The following EIF2AK2 variants were observed in gnomAD, a reference collection of about 807,000 sequenced individuals.
EIF2AK2 encodes the protein interferon-induced, double-stranded RNA-activated protein kinase.
Under a neutral mutation model 70.5 loss-of-function variants are expected in EIF2AK2, and 40 were observed. The observed-to-expected ratio is 0.57, with a 90% CI of 0.44 to 0.74. The LOEUF is 0.74. Ranked by LOEUF, EIF2AK2 falls within the 30% of genes least tolerant of loss-of-function variation. EIF2AK2 has a pLI of 0.00. For synonymous variants in EIF2AK2, 198 were observed against 220.9 expected (o/e 0.90, Z 0.92); for missense variants, 555 against 644.3 (o/e 0.86, Z 1.50).
At position 37,136,495 on chromosome 2, in the gene EIF2AK2, A is replaced by G. The variant is rs549251508; in HGVS notation, c.722+488T>C. On this transcript the variant is annotated intron_variant, in intron 9 of 16. Coordinates refer to ENST00000233057, the MANE Select transcript of EIF2AK2 (RefSeq NM_001135651.3). ...CCACATCAAGAACCATGTTTCTTCA[A>G]TACATCTATCTACTGCTCAGAATAT... Among the ~76,000 whole-genome samples, 4 of 152,302 alleles carry G rather than the reference A, an allele frequency of 2.6e-5. No individual in the cohort carries two copies. In the South Asian group the frequency reaches 8.3e-4, roughly 32 times the overall value.
At chr2:37,147,335 CTTTAAG>C (rs996061724) in intron 3 of EIF2AK2, among the ~76,000 whole-genome samples, 2 of 151,182 alleles carry the variant, frequency 1.3e-5, no homozygotes, top group Non-Finnish European at 1.5e-5. Flanking sequence ...TATTATTATA[CTTTAAG>C]TTTTAGGGTA....
Position 37,148,707 on chromosome 2 carries a change from T to A in EIF2AK2, c.-17+150A>T. 4.9e-6 allele frequency: 4 copies of A among 824,308 alleles called. No homozygotes were observed. In the Admixed American group the frequency reaches 6.9e-5, roughly 14 times the overall value. The allele number at this position is 824,308 out of a possible 1,614,324, so 51.1% of individuals were successfully genotyped here. ...AACAATACAATTTGCTTTCATCACA[T>A]AAAAATTTATATTGACAGATTTGAG... On this transcript the variant is annotated intron_variant, in intron 2 of 16. Transcript: ENST00000233057.
intron 1 of EIF2AK2, among the ~76,000 whole-genome samples, chr2:37,155,991 T>G (rs1419100856): frequency 1.3e-5 from 2 of 150,890 alleles, no homozygotes; most frequent in Admixed American, 1.3e-4. Flanking sequence ...AGGTGATAAC[T>G]ACTATGTTGA....
intron 4 of EIF2AK2, among the ~76,000 whole-genome samples, chr2:37,142,250 C>A (rs1675360152): frequency 6.6e-6 from 1 of 152,152 alleles, no homozygotes; most frequent in Non-Finnish European, 1.5e-5. Flanking sequence ...CCTGTCTCAG[C>A]CTCACAAGCA....
intron 12 of EIF2AK2, 21 bp from the exon 13 acceptor site, chr2:37,120,160 AT>A: frequency 1.5e-6 from 2 of 1,341,040 alleles, no homozygotes; most frequent in Non-Finnish European, 9.7e-7. Context: ...AATTCACAGT[AT>A]GTTAAAAGTA....
rs1329910512 is a variant in EIF2AK2, at chr2:37,107,213, G to A, written c.*60C>T. 6.4e-7 allele frequency: 1 copy of A among 1,571,494 alleles called. No individual in the cohort carries two copies. Among genetic ancestry groups the A allele is most frequent in the Non-Finnish European group, 8.6e-7 (1 of 1,161,798 alleles). Reference sequence around the variant, plus strand: ...AAATATCTATTGATATTCCCTAGCAGATTTTAGATAATTTAAGGAAAACTG... The same window carrying A: ...AAATATCTATTGATATTCCCTAGCAAATTTTAGATAATTTAAGGAAAACTG... On this transcript the variant is annotated 3_prime_UTR_variant, in exon 17 of 17. Coordinates refer to ENST00000233057, the MANE Select transcript of EIF2AK2 (RefSeq NM_001135651.3).
chr2:37,126,202 C>A, intron 11 of EIF2AK2, 87 bp downstream of exon 11: 2 of 1,440,598 alleles, frequency 1.4e-6, no homozygotes, highest in Non-Finnish European at 1.8e-6. Context: ...AAATGATACC[C>A]TAATAAAGAA....
intron 8 of EIF2AK2, 100 bp from the exon 9 acceptor site, chr2:37,137,117 A>G: frequency 2.2e-6 from 2 of 927,240 alleles, no homozygotes; most frequent in Non-Finnish European, 3.2e-6. Context: ...CTCTCTGACC[A>G]ATTTCTTAGT....
chr2:37,148,861 T>TG lies in EIF2AK2; in HGVS notation c.-22_-21insC. On this transcript the variant is annotated 5_prime_UTR_variant, in exon 2 of 17. Coordinates refer to ENST00000233057, the MANE Select transcript of EIF2AK2 (RefSeq NM_001135651.3). ...AATTCGGAAGACCGCTTGTACCTGGTTGGAAGCTTTGTCCAAAATGCACGC... is the reference window on the plus strand; with the variant it reads ...AATTCGGAAGACCGCTTGTACCTGGTGTGGAAGCTTTGTCCAAAATGCACGC... 2.4e-6 allele frequency: 2 copies of TG among 845,900 alleles called. No individual in the cohort carries two copies. Among genetic ancestry groups the TG allele is most frequent in the South Asian group, 2.7e-5 (2 of 75,144 alleles). The allele number at this position is 845,900 out of a possible 1,614,324, so 52.4% of individuals were successfully genotyped here. A position where few individuals can be genotyped will look rare whatever the true frequency, so the allele number is the denominator to read the frequency against.
rs115509351 is a variant in EIF2AK2, at chr2:37,156,539, A to G, written c.-184+369T>C. Among the ~76,000 whole-genome samples the G allele has an allele frequency of 5.7e-3, 864 of 152,134 alleles. 13 individuals are homozygous for G. Among genetic ancestry groups the G allele is most frequent in the African/African-American group, 0.02 (824 of 41,492 alleles). On this transcript the variant is annotated intron_variant, in intron 1 of 16. Transcript: ENST00000233057. ...GTCTATGAGTATTTCAGGCCTCCGT[A>G]TTTTCCATGTGTCAAGCCACTAGGC...
At chr2:37,110,614 C>G (rs1418731396) in intron 14 of EIF2AK2, among the ~76,000 whole-genome samples, 1 of 152,174 alleles carries the variant, frequency 6.6e-6, no homozygotes, top group Admixed American at 6.5e-5. Context: ...CTTCTCCATT[C>G]TAGACTCTCA....
At position 37,126,314 on chromosome 2, in the gene EIF2AK2, T is replaced by A; in HGVS notation, c.883A>T (p.Ile295Phe). 6.2e-7 allele frequency: 1 copy of A among 1,607,420 alleles called. No individual in the cohort carries two copies. Among genetic ancestry groups the A allele is most frequent in the Non-Finnish European group, 8.5e-7 (1 of 1,177,436 alleles). Residue 295 changes from isoleucine (I) to phenylalanine (F), a missense_variant, in exon 11 of 17, where the codon ATT becomes TTT. Coordinates refer to ENST00000233057, the MANE Select transcript of EIF2AK2 (RefSeq NM_001135651.3). ...KHRIDGKTYV[I>F]KRVKYNNEKA... ...TCGTTATTATATTTAACACGTTTAA[T>A]AACGTAAGTCTTTCCGTCAATTCTG...
Position 37,106,918 on chromosome 2 carries a change from C to T in EIF2AK2, c.*355G>A, listed in dbSNP as rs1673982229. On this transcript the variant is annotated 3_prime_UTR_variant, in exon 17 of 17. Transcript: ENST00000233057. Reference sequence around the variant, plus strand: ...AATTAGTTGGGTGGGTGGCACATGCCTGTAATCCAGCTACTCAGGAGGCTG... The same window carrying T: ...AATTAGTTGGGTGGGTGGCACATGCTTGTAATCCAGCTACTCAGGAGGCTG... 6.1e-6 allele frequency: 1 copy of T among 164,080 alleles called. No homozygotes were observed. The highest frequency in any genetic ancestry group is 2.4e-5 in the African/African-American group (1 of 41,434). The allele number at this position is 164,080 out of a possible 1,614,324, so 10.2% of individuals were successfully genotyped here. A position where few individuals can be genotyped will look rare whatever the true frequency, so the allele number is the denominator to read the frequency against.
intron 10 of EIF2AK2, among the ~76,000 whole-genome samples, chr2:37,130,879 A>G (rs1033338140): frequency 6.6e-6 from 1 of 152,180 alleles, no homozygotes; most frequent in Non-Finnish European, 1.5e-5. Context: ...CAGGCTTTTA[A>G]ATTTTTTGGC....
rs1266661518 is a variant in EIF2AK2, at chr2:37,121,122, G to A, written c.1068-983C>T. On this transcript the variant is annotated intron_variant, in intron 12 of 16. Coordinates refer to ENST00000233057, the MANE Select transcript of EIF2AK2 (RefSeq NM_001135651.3). The stretch of plus-strand genomic sequence containing the variant: ...ACTAAAAATACAAAAAATTAGCCGG[G>A]CGTGGTGGCGGGCGCCTGTAGTCCC... Among the ~76,000 whole-genome samples, 3 of 149,322 alleles carry A rather than the reference G, an allele frequency of 2.0e-5. No individual in the cohort carries two copies. In the East Asian group the frequency reaches 5.8e-4, roughly 29 times the overall value.
At chr2:37,131,769 T>G (rs953765904) in intron 10 of EIF2AK2, among the ~76,000 whole-genome samples, 1 of 152,132 alleles carries the variant, frequency 6.6e-6, no homozygotes, top group Non-Finnish European at 1.5e-5. Flanking sequence ...TGAGAGATAT[T>G]GTGATGATAC....
intron 1 of EIF2AK2, among the ~76,000 whole-genome samples, chr2:37,150,446 A>G (rs1011152210): frequency 9.9e-5 from 15 of 152,156 alleles, no homozygotes; most frequent in African/African-American, 3.4e-4. Context: ...ATTTTTTTCT[A>G]CATTTATAAC....
intron 12 of EIF2AK2, among the ~76,000 whole-genome samples, chr2:37,121,990 C>T (rs1674570461): frequency 1.3e-5 from 2 of 152,080 alleles, no homozygotes; most frequent in Non-Finnish European, 2.9e-5. Flanking sequence ...ATGAGGGTGC[C>T]CCCATCTCAG....
chr2:37,109,078 G>T, intron 15 of EIF2AK2, 116 bp downstream of exon 15: 1 of 796,852 alleles, frequency 1.3e-6, no homozygotes, highest in Non-Finnish European at 2.0e-6. Context: ...TTTGCAGTCA[G>T]ATACTAATAT....
Sources: allele counts gnomAD v4.1 joint callset (sites outside exome capture counted in the v4.1 genomes callset), GRCh38; gene constraint gnomAD v4.1.1; transcripts MANE v1.5; gene names NCBI Gene and HGNC (gene_info 2026-07-23, HGNC 2026-07-21).